The following PGAP1 variants were observed in gnomAD, a reference collection of about 807,000 sequenced individuals.
PGAP1 encodes post-GPI attachment to proteins inositol deacylase 1, also known as GPI inositol-deacylase.
PGAP1 carries 76 observed loss-of-function variants against 127.0 expected under a neutral mutation model. The observed-to-expected ratio is 0.60, with a 90% confidence interval of 0.50 to 0.72. The LOEUF is 0.72. Among genes scored for constraint, PGAP1 ranks in the 30% least tolerant of loss-of-function variants. The pLI is 0.00. For synonymous variants in PGAP1, 362 were observed against 366.5 expected (o/e 0.99, Z 0.14); for missense variants, 982 against 1,071.3 (o/e 0.92, Z 1.16).
chr2:196,873,307 T>A (rs1280630642), intron 16 of PGAP1, among the ~76,000 whole-genome samples: 1 of 152,114 alleles, frequency 6.6e-6, no homozygotes, highest in African/African-American at 2.4e-5. Flanking sequence ...ATGGCATTTT[T>A]AAAATGTGGA....
intron 19 of PGAP1, among the ~76,000 whole-genome samples, chr2:196,866,687 C>A (rs1440895360): frequency 6.6e-6 from 1 of 151,972 alleles, no homozygotes; most frequent in Non-Finnish European, 1.5e-5. Context: ...AACAGGCAAC[C>A]TACAGAATGG....
intron 13 of PGAP1, 82 bp from the exon 14 acceptor site, chr2:196,875,903 A>G (rs1213837671): frequency 2.9e-6 from 2 of 691,306 alleles, no homozygotes; most frequent in Non-Finnish European, 5.0e-6. Flanking sequence ...TGAGTGGAAA[A>G]TAAAAGTCTA....
chr2:196,897,168 C>T lies in PGAP1; in HGVS notation c.890G>A (p.Arg297Gln), dbSNP rs753726186. 52 of 1,583,482 alleles carry T rather than the reference C, an allele frequency of 3.3e-5. No homozygotes were observed. The highest frequency in any genetic ancestry group is 6.8e-5 in the African/African-American group (5 of 73,610). Reference sequence around the variant, plus strand: ...AGCATCAATAAGATCAAAGAATGCTCGAACTGTAGTCAACTGCAATTGTTT... The same window carrying T: ...AGCATCAATAAGATCAAAGAATGCTTGAACTGTAGTCAACTGCAATTGTTT... ...WCKQLQLTTV[R>Q]AFFDLIDADT... Residue 297 changes from arginine (R) to glutamine (Q), a missense_variant, in exon 7 of 27, where the codon CGA becomes CAA. Transcript: ENST00000354764.
At chr2:196,851,024 G>C (rs1329895535) in intron 20 of PGAP1, among the ~76,000 whole-genome samples, 1 of 151,856 alleles carries the variant, frequency 6.6e-6, no homozygotes, top group African/African-American at 2.4e-5. Context: ...AAATGCAAAA[G>C]TATAAAAAAG....
Position 196,840,018 on chromosome 2 carries a change from C to T in PGAP1, c.*1216G>A, listed in dbSNP as rs967443988. ...ACGCTATCCTAAGGCAAAGAGTATA[C>T]TCTTCTGCCTTGCCGATTACCTTCT... On this transcript the variant is annotated 3_prime_UTR_variant, in exon 27 of 27. Coordinates refer to ENST00000354764, the MANE Select transcript of PGAP1 (RefSeq NM_024989.4). The T allele has an allele frequency of 6.6e-6, 1 of 152,200 alleles. No individual in the cohort carries two copies. Among genetic ancestry groups the T allele is most frequent in the African/African-American group, 2.4e-5 (1 of 41,444 alleles). The allele number at this position is 152,200 out of a possible 1,614,324, so 9.4% of individuals were successfully genotyped here.
chr2:196,894,673 G>T (rs371226620), intron 7 of PGAP1, among the ~76,000 whole-genome samples: 2 of 152,056 alleles, frequency 1.3e-5, no homozygotes, highest in African/African-American at 4.8e-5. Flanking sequence ...ATGGTGGTGG[G>T]CACCTGTGGT....
At chr2:196,844,178 A>G (rs1424895177) in intron 24 of PGAP1, 103 bp from the exon 25 acceptor site, 1 of 656,198 alleles carries the variant, frequency 1.5e-6, no homozygotes, top group Admixed American at 3.8e-5. Flanking sequence ...ACATCTTTCC[A>G]TTACCAAACT....
intron 13 of PGAP1, among the ~76,000 whole-genome samples, chr2:196,879,518 A>T (rs1373013585): frequency 2.0e-5 from 3 of 152,148 alleles, no homozygotes; most frequent in Non-Finnish European, 4.4e-5. Context: ...AGCATGGCAA[A>T]ATCCCATCTC....
chr2:196,909,870 TA>T (rs1702779158), intron 4 of PGAP1, among the ~76,000 whole-genome samples: 1 of 5,232 alleles, frequency 1.9e-4, no homozygotes, highest in African/African-American at 1.6e-3. Context: ...TCAAAGAGAA[TA>T]AAATACCTAG....
chr2:196,890,174 A>G (rs879415861), intron 10 of PGAP1, among the ~76,000 whole-genome samples: 11 of 152,080 alleles, frequency 7.2e-5, no homozygotes, highest in Non-Finnish European at 1.0e-4. Flanking sequence ...AGCTCAAATG[A>G]TCCACCCACC....
intron 20 of PGAP1, among the ~76,000 whole-genome samples, chr2:196,860,964 C>T (rs1300495712): frequency 6.6e-6 from 1 of 152,158 alleles, no homozygotes; most frequent in Non-Finnish European, 1.5e-5. Context: ...GCAACCAAAA[C>T]AGTTTAGTAC....
At chr2:196,892,162 A>G (rs1481156494) in intron 9 of PGAP1, among the ~76,000 whole-genome samples, 184 bp downstream of exon 9, 1 of 152,118 alleles carries the variant, frequency 6.6e-6, no homozygotes, top group Non-Finnish European at 1.5e-5. Flanking sequence ...GTCAAAGAAA[A>G]CAGCAAAAAA....
rs184010879 is a variant in PGAP1, at chr2:196,842,314, T to C, written c.2630+407A>G. ...AAAGACTCCCAGAGCAAACAACAAG[T>C]GAATGAAAAATCAGGTTTTATTATG... On this transcript the variant is annotated intron_variant, in intron 26 of 26. Transcript: ENST00000354764. Among the ~76,000 whole-genome samples the C allele has an allele frequency of 1.2e-4, 18 of 152,162 alleles. No individual in the cohort carries two copies. The East Asian group carries it at 3.5e-3, about 29-fold the overall frequency.
chr2:196,893,010 GTATATA>G (rs927317819), intron 8 of PGAP1, 124 bp downstream of exon 8: 3 of 413,496 alleles, frequency 7.3e-6, no homozygotes, highest in African/African-American at 2.1e-5. Flanking sequence ...AATAATATAT[GTATATA>G]TATAATAGGA....
chr2:196,865,650 G>T (rs1281578029), intron 19 of PGAP1, among the ~76,000 whole-genome samples: 1 of 152,116 alleles, frequency 6.6e-6, no homozygotes, highest in Non-Finnish European at 1.5e-5. Flanking sequence ...CAAGTTATGA[G>T]AAAATGTTAA....
chr2:196,846,275 C>T (rs1700553127), intron 22 of PGAP1, among the ~76,000 whole-genome samples: 1 of 152,016 alleles, frequency 6.6e-6, no homozygotes, highest in Non-Finnish European at 1.5e-5. Flanking sequence ...AAAAATGTTA[C>T]CAAAGATAAT....
chr2:196,887,643 G>T (rs1001339287), intron 10 of PGAP1, among the ~76,000 whole-genome samples: 6 of 152,150 alleles, frequency 3.9e-5, no homozygotes, highest in African/African-American at 1.4e-4. Flanking sequence ...CTATGGCCAA[G>T]GAATGATATA....
Position 196,833,995 on chromosome 2 carries a change from T to C in PGAP1, c.*7239A>G, listed in dbSNP as rs914775141. 1 of 152,038 alleles carries C rather than the reference T, an allele frequency of 6.6e-6. No individual in the cohort carries two copies. The highest frequency in any genetic ancestry group is 6.6e-5 in the Admixed American group (1 of 15,264). 9.4% of individuals were successfully genotyped at this position (152,038 alleles called of 1,614,324 possible). ...AAAATATACTACATGAATGAGTTTATTAATTATTAAAAATAATTATTGTGT... is the reference window on the plus strand; with the variant it reads ...AAAATATACTACATGAATGAGTTTACTAATTATTAAAAATAATTATTGTGT... On this transcript the variant is annotated 3_prime_UTR_variant, in exon 27 of 27. Transcript: ENST00000354764.
chr2:196,870,550 C>A (rs1701379884), intron 19 of PGAP1, among the ~76,000 whole-genome samples: 2 of 152,224 alleles, frequency 1.3e-5, no homozygotes, highest in South Asian at 4.1e-4. Context: ...CCTGCCTTGG[C>A]CTCCCAAAGT....
Sources: gnomAD v4.1 joint callset for allele counts (sites outside exome capture counted in the v4.1 genomes callset) on GRCh38, gnomAD v4.1.1 for gene constraint, MANE v1.5 for transcripts, NCBI Gene and HGNC (gene_info 2026-07-23, HGNC 2026-07-21) for gene names.